LPL: variants seen among roughly 807,000 people sequenced by gnomAD.
The protein encoded by LPL is phospholipase A1.
LPL carries 43 observed loss-of-function variants against 52.2 expected under a neutral mutation model. The ratio of observed to expected loss-of-function variants is 0.82; its 90% CI spans 0.64 to 1.06. LPL has a LOEUF of 1.06. Ranked by LOEUF, LPL falls within the 50% of genes least tolerant of loss-of-function variation. LPL has a pLI of 0.00. For synonymous variants in LPL, 244 were observed against 215.6 expected (o/e 1.13, Z -1.15); for missense variants, 639 against 585.3 (o/e 1.09, Z -0.95).
rs1184294150 is a variant in LPL, at chr8:19,962,225, C to T, written c.1427+6C>T. 1 of 1,610,782 alleles carries T rather than the reference C, an allele frequency of 6.2e-7. No homozygotes were observed. Among genetic ancestry groups the T allele is most frequent in the Admixed American group, 1.7e-5 (1 of 59,984 alleles). On this transcript the variant is annotated splice_donor_region_variant and intron_variant, in intron 9 of 9. Coordinates refer to ENST00000650287, the MANE Select transcript of LPL (RefSeq NM_000237.3). ...CTGAATAAGAAGTCAGGCTGGTGAG[C>T]ATTCTGGGCTAAAGCTGACTGGGCA...
rs2128837446 is a variant in LPL at position 19,950,658 on chromosome 8, G to GC, written c.250-1109dup. ...CTACTAAAAAAATACAAAAAAATTAGCCAGGTGTGGTGGTATGTGCTTGTA... is the reference window on the plus strand; with the variant it reads ...CTACTAAAAAAATACAAAAAAATTAGCCCAGGTGTGGTGGTATGTGCTTGTA... On this transcript the variant is annotated intron_variant, in intron 2 of 9. Coordinates refer to ENST00000650287, the MANE Select transcript of LPL (RefSeq NM_000237.3). This position sits in a 1 kb window ranked among gnomAD's most constrained non-coding sequence, Gnocchi z 4.2. Among the ~76,000 whole-genome samples the GC allele has an allele frequency of 6.6e-6, 1 of 152,246 alleles. No individual in the cohort carries two copies. The highest frequency in any genetic ancestry group is 2.4e-5 in the African/African-American group (1 of 41,560).
chr8:19,939,672 G>A lies in LPL; in HGVS notation c.88+144G>A, dbSNP rs1034636498. The A allele has an allele frequency of 8.5e-6, 7 of 827,416 alleles. No homozygotes were observed. The African/African-American group carries it at 1.0e-4, about 12-fold the overall frequency. 51.3% of individuals were successfully genotyped at this position (827,416 alleles called of 1,614,324 possible). On this transcript the variant is annotated intron_variant, in intron 1 of 9. Coordinates refer to ENST00000650287, the MANE Select transcript of LPL (RefSeq NM_000237.3). The surrounding 1 kb of genome is among the most constrained non-coding windows in gnomAD (Gnocchi z 4.0). ...CCAGCCTGGGCTCTAGCCCCGAAACGGTCCCCGGAGTGGGATCCAGGAGGG... is the reference window on the plus strand; with the variant it reads ...CCAGCCTGGGCTCTAGCCCCGAAACAGTCCCCGGAGTGGGATCCAGGAGGG...
intron 4 of LPL, among the ~76,000 whole-genome samples, chr8:19,953,802 G>C (rs1005883459): frequency 2.0e-5 from 3 of 152,134 alleles, no homozygotes; most frequent in African/African-American, 7.2e-5. Context: ...CTAGGCAAAG[G>C]TGTGGCATAC....
chr8:19,954,219 G>C lies in LPL; in HGVS notation c.641G>C (p.Arg214Thr). The C allele has an allele frequency of 6.2e-7, 1 of 1,614,172 alleles. No homozygotes were observed. The highest frequency in any genetic ancestry group is 8.5e-7 in the Non-Finnish European group (1 of 1,180,036). Residue 214 changes from arginine (R) to threonine (T), a missense_variant, in exon 5 of 10, where the codon AGA becomes ACA. By Grantham distance (71) the Arg-to-Thr change is moderately conservative. Coordinates refer to ENST00000650287, the MANE Select transcript of LPL (RefSeq NM_000237.3). ...DFVDVLHTFT[R>T]GSPGRSIGIQ... Reference sequence around the variant, plus strand: ...GTAGACGTCTTACACACATTCACCAGAGGGTCCCCTGGTCGAAGCATTGGA... The same window carrying C: ...GTAGACGTCTTACACACATTCACCACAGGGTCCCCTGGTCGAAGCATTGGA...
At chr8:19,955,236 G>C (rs2069973853) in intron 5 of LPL, among the ~76,000 whole-genome samples, 1 of 152,266 alleles carries the variant, frequency 6.6e-6, no homozygotes, top group East Asian at 1.9e-4. Context: ...TAATATCAAT[G>C]ATAAAATACA....
chr8:19,963,585 AC>A (rs1386905298), intron 9 of LPL, among the ~76,000 whole-genome samples: 1 of 152,208 alleles, frequency 6.6e-6, no homozygotes, highest in African/African-American at 2.4e-5. Context: ...AAATAAAATC[AC>A]TGTGACCATA....
chr8:19,953,446 TATC>T (rs779025233), intron 4 of LPL, 25 bp downstream of exon 4: 6 of 1,545,422 alleles, frequency 3.9e-6, no homozygotes, highest in Non-Finnish European at 4.5e-6. Flanking sequence ...TCGTTGGTCT[TATC>T]ATAAGAGGTG....
At chr8:19,964,603 C>T (rs565262303) in intron 9 of LPL, among the ~76,000 whole-genome samples, 1 of 152,188 alleles carries the variant, frequency 6.6e-6, no homozygotes. Context: ...GATCTCGGCT[C>T]AATGCAACTC....
chr8:19,945,232 G>A (rs1204981065), intron 1 of LPL, among the ~76,000 whole-genome samples: 3 of 152,156 alleles, frequency 2.0e-5, no homozygotes, highest in Non-Finnish European at 2.9e-5. Flanking sequence ...CTGCCCCACA[G>A]CCACATGGTC....
At position 19,954,372 on chromosome 8, in the gene LPL, C is replaced by A. The variant is rs183940705; in HGVS notation, c.775+19C>A. ...CTTGGAGGTAAATATTATTTAGAAG[C>A]GAATTAAATGTGACTCTTATCCTTA... On this transcript the variant is annotated intron_variant, in intron 5 of 9. Coordinates refer to ENST00000650287, the MANE Select transcript of LPL (RefSeq NM_000237.3). 40 of 1,599,928 alleles carry A rather than the reference C, an allele frequency of 2.5e-5. No homozygotes were observed. In the African/African-American group the frequency reaches 3.2e-4, roughly 13 times the overall value.
At position 19,950,960 on chromosome 8, in the gene LPL, C is replaced by T. The variant is rs181186603; in HGVS notation, c.250-809C>T. 1.4e-5 allele frequency among the ~76,000 whole-genome samples: 2 copies of T among 139,718 alleles called. No homozygotes were observed. Among genetic ancestry groups the T allele is most frequent in the Non-Finnish European group, 3.2e-5 (2 of 63,062 alleles). The allele number at this position is 139,718 out of a possible 152,430, so 91.7% of individuals were successfully genotyped here. ...GAGGGAGGAAGAAAGGAAGGAAGAA[C>T]AAAGAAAAGAGAAACACTGGTAGTA... is the stretch of plus-strand genomic sequence containing the variant. On this transcript the variant is annotated intron_variant, in intron 2 of 9. Coordinates refer to ENST00000650287, the MANE Select transcript of LPL (RefSeq NM_000237.3). The surrounding 1 kb of genome is among the most constrained non-coding windows in gnomAD (Gnocchi z 4.2).
rs1166680636 is a variant in LPL at position 19,962,174 on chromosome 8, T to C, written c.1382T>C (p.Val461Ala). The change falls in exon 9 of 10, where the codon GTA becomes GCA. Residue 461 changes from valine to alanine, a missense_variant. Val to Ala is a moderately conservative substitution (Grantham distance 64). Coordinates refer to ENST00000650287, the MANE Select transcript of LPL (RefSeq NM_000237.3). ...SHLQKGKAPAVFVKCHDKSLN... is the reference protein window; with the variant it reads ...SHLQKGKAPAAFVKCHDKSLN... ...TTGCAGAAAGGAAAGGCACCTGCGG[T>C]ATTTGTGAAATGCCATGACAAGTCT... The C allele has an allele frequency of 8.1e-6, 13 of 1,613,818 alleles. 1 individual carries two copies. In the Middle Eastern group the frequency reaches 4.9e-4, roughly 61 times the overall value.
chr8:19,951,618 T>C (rs1205010525), intron 2 of LPL, 151 bp from the exon 3 acceptor site: 2 of 883,820 alleles, frequency 2.3e-6, no homozygotes, highest in Non-Finnish European at 3.8e-6. Flanking sequence ...GACCTGTCTC[T>C]GAACACTGTT....
chr8:19,959,918 A>G (rs919608651), intron 7 of LPL, among the ~76,000 whole-genome samples: 1 of 150,354 alleles, frequency 6.7e-6, no homozygotes, highest in African/African-American at 2.5e-5. Context: ...CCTCCCGAGT[A>G]GCTGGGGCTG....
intron 3 of LPL, among the ~76,000 whole-genome samples, chr8:19,952,351 AG>A (rs2128837795): frequency 6.6e-6 from 1 of 152,312 alleles, no homozygotes; most frequent in South Asian, 2.1e-4. Flanking sequence ...AAATATTAAT[AG>A]TACTTATTCT....
intron 6 of LPL, among the ~76,000 whole-genome samples, chr8:19,956,635 G>A (rs1255765748): frequency 6.6e-6 from 1 of 152,036 alleles, no homozygotes; most frequent in Non-Finnish European, 1.5e-5. Flanking sequence ...CCCAGTGTCT[G>A]TTGTTCCCCT....
At chr8:19,942,060 G>A (rs1447807942) in intron 1 of LPL, among the ~76,000 whole-genome samples, 2 of 152,216 alleles carry the variant, frequency 1.3e-5, no homozygotes, top group East Asian at 1.9e-4. Flanking sequence ...GTCACTGAAG[G>A]AGAGCTCAGC....
At position 19,950,430 on chromosome 8, in the gene LPL, A is replaced by C. The variant is rs73667471; in HGVS notation, c.250-1339A>C. The stretch of plus-strand genomic sequence containing the variant: ...TTGATCAGAAAGAAAGGATTCAATT[A>C]GCTATTGTTCGGTTAATAAAAATGT... On this transcript the variant is annotated intron_variant, in intron 2 of 9. Transcript: ENST00000650287. The surrounding 1 kb of genome is among the most constrained non-coding windows in gnomAD (Gnocchi z 4.2). Among the ~76,000 whole-genome samples, 1,194 of 152,354 alleles carry C rather than the reference A, an allele frequency of 7.8e-3. 18 individuals carry two copies. The highest frequency in any genetic ancestry group is 0.027 in the African/African-American group (1,128 of 41,590).
intron 2 of LPL, chr8:19,948,552 T>A (rs569081126): frequency 1.8e-6 from 1 of 565,726 alleles, no homozygotes; most frequent in African/African-American, 1.9e-5. Context: ...ATTTTAACAC[T>A]GTACCTGGTT....
Sources: allele counts gnomAD v4.1 joint callset (sites outside exome capture counted in the v4.1 genomes callset), GRCh38; gene constraint gnomAD v4.1.1; non-coding constraint Gnocchi (gnomAD v3.1); transcripts MANE v1.5; gene names NCBI Gene and HGNC (gene_info 2026-07-23, HGNC 2026-07-21).